Variants in SEL1L2 observed in about 807,000 individuals in gnomAD.
SEL1L2 encodes the protein protein sel-1 homolog 2.
Under a neutral mutation model 98.8 loss-of-function variants are expected in SEL1L2, and 89 were observed. That is an observed-to-expected ratio of 0.90 (90% CI 0.76 to 1.07). SEL1L2 has a LOEUF of 1.07. Among genes scored for constraint, SEL1L2 ranks in the 50% least tolerant of loss-of-function variants. The pLI is 0.00. For synonymous variants in SEL1L2, 262 were observed against 278.5 expected, an observed-to-expected ratio of 0.94 and a Z score of 0.59; for missense variants, 788 against 812.0, an observed-to-expected ratio of 0.97 and a Z score of 0.36.
upstream of SEL1L2, among the ~76,000 whole-genome samples, chr20:13,994,112 C>T (rs2019400): frequency 5.4e-3 from 824 of 151,934 alleles, 5 homozygotes; most frequent in African/African-American, 0.017. Flanking sequence ...CTGGCCAACA[C>T]GGTGAAAACC....
chr20:13,909,785 G>A (rs1450061567), intron 5 of SEL1L2, among the ~76,000 whole-genome samples: 1 of 152,090 alleles, frequency 6.6e-6, no homozygotes, highest in African/African-American at 2.4e-5. Flanking sequence ...GGCCAACATG[G>A]TGAAACCCCT....
chr20:13,953,829 T>G (rs915549368), intron 2 of SEL1L2, among the ~76,000 whole-genome samples: 1 of 152,164 alleles, frequency 6.6e-6, no homozygotes, highest in Non-Finnish European at 1.5e-5. Flanking sequence ...TGTTTTTAGC[T>G]GAACTAAGGA....
chr20:13,857,383 A>C (rs1183453382), intron 18 of SEL1L2, among the ~76,000 whole-genome samples: 1 of 152,226 alleles, frequency 6.6e-6, no homozygotes, highest in Non-Finnish European at 1.5e-5. Context: ...GTGTCTCAAC[A>C]ACTACTATTT....
At chr20:13,960,541 G>A (rs981414168) in intron 1 of SEL1L2, among the ~76,000 whole-genome samples, 2 of 152,120 alleles carry the variant, frequency 1.3e-5, no homozygotes, top group Non-Finnish European at 2.9e-5. Flanking sequence ...TACGACAAGG[G>A]TGTTTATTTT....
upstream of SEL1L2, among the ~76,000 whole-genome samples, chr20:13,993,973 CTTTA>C (rs1010774920): frequency 6.6e-6 from 1 of 152,068 alleles, no homozygotes; most frequent in Non-Finnish European, 1.5e-5. Flanking sequence ...TTGAAGCCTT[CTTTA>C]TTTATCCCAA....
At chr20:13,905,499 A>T (rs2148126152) in intron 5 of SEL1L2, among the ~76,000 whole-genome samples, 1 of 151,960 alleles carries the variant, frequency 6.6e-6, no homozygotes, top group South Asian at 2.1e-4. Flanking sequence ...ATTTTTTAGT[A>T]GAGACAGGGT....
At chr20:13,866,642 A>G in intron 15 of SEL1L2, 60 bp downstream of exon 15, 1 of 1,325,448 alleles carries the variant, frequency 7.5e-7, no homozygotes, top group Non-Finnish European at 9.9e-7. Context: ...TAAGAACAGT[A>G]TCACCTCCTC....
rs1020805521 is a variant in SEL1L2, at chr20:13,972,243, G to A, written c.59-16112C>T. On this transcript the variant is annotated intron_variant, in intron 1 of 19. Coordinates refer to ENST00000284951, the MANE Select transcript of SEL1L2 (RefSeq NM_025229.2). ...TAATTTACAAAAACTTGGCATATTT[G>A]CAACACAGATTCATTCAGATGTACA... Among the ~76,000 whole-genome samples the A allele has an allele frequency of 2.0e-5, 3 of 152,142 alleles. No homozygotes were observed. In the South Asian group the frequency reaches 6.2e-4, roughly 31 times the overall value.
chr20:13,974,072 ATCT>A (rs1305476260), intron 1 of SEL1L2, among the ~76,000 whole-genome samples: 2 of 151,992 alleles, frequency 1.3e-5, no homozygotes, highest in Non-Finnish European at 1.5e-5. Context: ...ATTGGATTCT[ATCT>A]TCTTTGTGTG....
chr20:13,915,733 T>G (rs73087432), intron 4 of SEL1L2, among the ~76,000 whole-genome samples: 7,059 of 152,280 alleles, frequency 0.046, 245 homozygotes, highest in Non-Finnish European at 0.075. Context: ...AAAGGGATAC[T>G]AGAAGCAGTA....
At position 13,865,342 on chromosome 20, in the gene SEL1L2, A is replaced by T; in HGVS notation, c.1570+7T>A. ...GGGGGATTGCAGAGAATTTTAACTC[A>T]TCTTACTAGATTCCAAAATGAATGC... On this transcript the variant is annotated splice_region_variant and intron_variant, in intron 16 of 19. Transcript: ENST00000284951. The T allele has an allele frequency of 6.2e-7, 1 of 1,613,860 alleles. No individual in the cohort carries two copies. The highest frequency in any genetic ancestry group is 8.5e-7 in the Non-Finnish European group (1 of 1,179,814).
intron 3 of SEL1L2, among the ~76,000 whole-genome samples, chr20:13,929,808 T>G (rs1380111607): frequency 6.6e-6 from 1 of 151,246 alleles, no homozygotes; most frequent in Non-Finnish European, 1.5e-5. Context: ...CTTTTTTTTT[T>G]GAGACGGGGT....
intron 12 of SEL1L2, 89 bp from the exon 13 acceptor site, chr20:13,870,292 C>T (rs2046123297): frequency 5.4e-6 from 5 of 923,534 alleles, no homozygotes; most frequent in South Asian, 4.4e-5. Flanking sequence ...ATTTGACATG[C>T]ACCCAGTAAG....
At chr20:13,888,347 T>C (rs1416889679) in intron 6 of SEL1L2, 112 bp downstream of exon 6, 1 of 728,296 alleles carries the variant, frequency 1.4e-6, no homozygotes, top group East Asian at 2.7e-5. Context: ...ATTAAGTTGG[T>C]GTTTTCAACT....
At chr20:13,957,564 G>T (rs555449393) in intron 1 of SEL1L2, among the ~76,000 whole-genome samples, 1 of 152,268 alleles carries the variant, frequency 6.6e-6, no homozygotes, top group South Asian at 2.1e-4. Flanking sequence ...TCAAATTAGA[G>T]AAATAACTGG....
intron 1 of SEL1L2, among the ~76,000 whole-genome samples, chr20:13,975,793 A>G (rs535957975): frequency 6.9e-4 from 105 of 152,316 alleles, no homozygotes; most frequent in African/African-American, 2.4e-3. Context: ...TGAGACTTTG[A>G]TGCATAGGAC....
chr20:13,976,799 C>T (rs2051560886), intron 1 of SEL1L2, among the ~76,000 whole-genome samples: 1 of 152,086 alleles, frequency 6.6e-6, no homozygotes, highest in African/African-American at 2.4e-5. Context: ...AGTGAAAATG[C>T]ATAGATGGGA....
At chr20:13,871,193 G>T (rs939521343) in intron 12 of SEL1L2, among the ~76,000 whole-genome samples, 8 of 152,128 alleles carry the variant, frequency 5.3e-5, no homozygotes, top group African/African-American at 1.9e-4. Flanking sequence ...AGCCACTACA[G>T]ATAGTAAAGC....
Position 13,903,660 on chromosome 20 carries a change from A to C in SEL1L2, c.549+10122T>G, listed in dbSNP as rs142647230. 2.4e-3 allele frequency among the ~76,000 whole-genome samples: 363 copies of C among 152,240 alleles called. 1 individual carries two copies. Among genetic ancestry groups the C allele is most frequent in the African/African-American group, 8.5e-3 (353 of 41,532 alleles). ...AAACCCTGTCTCTACTAAAAATACA[A>C]AAATTAGGCAGGCATGGTGGTGAGC... is the stretch of plus-strand genomic sequence containing the variant. On this transcript the variant is annotated intron_variant, in intron 5 of 19. Transcript: ENST00000284951.
Sources: gnomAD v4.1 joint callset for allele counts (sites outside exome capture counted in the v4.1 genomes callset) on GRCh38, gnomAD v4.1.1 for gene constraint, MANE v1.5 for transcripts, NCBI Gene and HGNC (gene_info 2026-07-23, HGNC 2026-07-21) for gene names.